The following TMLHE variants were observed in gnomAD, a reference collection of about 807,000 sequenced individuals.
TMLHE encodes the protein trimethyllysine dioxygenase, mitochondrial.
Under a neutral mutation model 25.7 loss-of-function variants are expected in TMLHE, and 18 were observed. That is an observed-to-expected ratio of 0.70 (90% confidence interval 0.48 to 1.04). The LOEUF is 1.04. Among genes scored for constraint, TMLHE ranks in the 50% least tolerant of loss-of-function variants. TMLHE has a pLI of 0.00. For missense variants in TMLHE, 236 were observed against 259.0 expected (o/e 0.91, Z 0.61); for synonymous variants, 105 against 97.0 (o/e 1.08, Z -0.49).
chrX:155,548,535 G>GCCTGAGGTGGGGAGTTCAAGA (rs1254077024), intron 1 of TMLHE, among the ~76,000 whole-genome samples: 1 of 109,143 alleles, frequency 9.2e-6, no homozygotes, highest in South Asian at 3.9e-4. Flanking sequence ...GCAGTATGAG[G>GCCTGAGGTGGGGAGTTCAAGA]CCAGCCTGAC....
chrX:155,570,896 G>A lies in TMLHE; in HGVS notation c.-1-25619C>T. ...AGAGAAGCAGGAAAGATCCAAAATT[G>A]ACACCCTAACATCACAATTAAAAGA... On this transcript the variant is annotated intron_variant, in intron 1 of 7. Transcript: ENST00000334398. Among the ~76,000 whole-genome samples the A allele has an allele frequency of 3.5e-5, 2 of 57,093 alleles. 1 individual carries two copies. Among genetic ancestry groups the A allele is most frequent in the Non-Finnish European group, 9.1e-5 (2 of 21,955 alleles). 49.6% of individuals were successfully genotyped at this position (57,093 alleles called of 115,157 possible).
intron 3 of TMLHE, among the ~76,000 whole-genome samples, chrX:155,515,282 T>A (rs1439975832): frequency 2.7e-5 from 3 of 110,977 alleles, no homozygotes; most frequent in Non-Finnish European, 5.7e-5. Flanking sequence ...TAACAATTTT[T>A]AAAATTAAAT....
chrX:155,581,570 A>G (rs1471972285), intron 1 of TMLHE, among the ~76,000 whole-genome samples: 1 of 111,043 alleles, frequency 9.0e-6, no homozygotes, highest in Non-Finnish European at 1.9e-5. Flanking sequence ...ACTCCCATTC[A>G]TAATTGCTTC....
rs1350519713 is a variant in TMLHE at position 155,567,684 on chromosome X, T to C, written c.-1-22407A>G. Among the ~76,000 whole-genome samples the C allele has an allele frequency of 4.9e-5, 3 of 61,835 alleles. 1 individual carries two copies. The East Asian group carries it at 2.2e-3, about 45-fold the overall frequency. 53.7% of individuals were successfully genotyped at this position (61,835 alleles called of 115,157 possible). A position where few individuals can be genotyped will look rare whatever the true frequency, so the allele number is the denominator to read the frequency against. On this transcript the variant is annotated intron_variant, in intron 1 of 7. Transcript: ENST00000334398. ...GAATCTTGAGTACAAATGGTAGAAA[T>C]CTATGGCATTTTAACCTGGGGTCAT...
chrX:155,587,974 T>C (rs1300723854), intron 1 of TMLHE, among the ~76,000 whole-genome samples: 1 of 112,024 alleles, frequency 8.9e-6, no homozygotes, highest in Admixed American at 9.5e-5. Context: ...CCAATGTTAT[T>C]TTACACAGAA....
chrX:155,586,436 TAAGC>T (rs1243908090), intron 1 of TMLHE, among the ~76,000 whole-genome samples: 3 of 110,431 alleles, frequency 2.7e-5, no homozygotes, highest in Non-Finnish European at 5.7e-5. Flanking sequence ...ATATTTCAAA[TAAGC>T]AACATAACAA....
intron 1 of TMLHE, among the ~76,000 whole-genome samples, chrX:155,577,915 C>T (rs1396963584): frequency 9.0e-6 from 1 of 111,446 alleles, no homozygotes; most frequent in Non-Finnish European, 1.9e-5. Context: ...AACCATGTAA[C>T]ACACAGGTGC....
intron 1 of TMLHE, among the ~76,000 whole-genome samples, chrX:155,549,687 G>A (rs2067399394): frequency 9.1e-6 from 1 of 109,985 alleles, no homozygotes; most frequent in Non-Finnish European, 1.9e-5. Context: ...GTGTGTGTAT[G>A]TGTGTGTGTC....
chrX:155,516,031 T>A (rs1188408789), intron 3 of TMLHE, among the ~76,000 whole-genome samples: 1 of 78,714 alleles, frequency 1.3e-5, no homozygotes, highest in Non-Finnish European at 2.5e-5. Context: ...TTTTTTTTTA[T>A]TATACTCTAA....
Position 155,507,108 on chromosome X carries a change from T to C in TMLHE, c.785A>G (p.His262Arg). Reference sequence around the variant, plus strand: ...CAGTGTCCTGCCACCAGTTCCTTCATGTTTAAGACAATGAAACACTTGAAT... The same window carrying C: ...CAGTGTCCTGCCACCAGTTCCTTCACGTTTAAGACAATGAAACACTTGAAT... ...CGIQVFHCLK[H>R]EGTGGRTLLV... Residue 262 changes from histidine (H) to arginine (R), a missense_variant, in exon 6 of 8, where the codon CAT becomes CGT. His to Arg is a conservative substitution (Grantham distance 29). This residue lies in a region of TMLHE where 217 missense variants were observed against 214.6 expected (regional missense o/e 1.01). Coordinates refer to ENST00000334398, the MANE Select transcript of TMLHE (RefSeq NM_018196.4). 3 of 1,207,936 alleles carry C rather than the reference T, an allele frequency of 2.5e-6. No individual in the cohort carries two copies. Among genetic ancestry groups the C allele is most frequent in the Non-Finnish European group, 3.4e-6 (3 of 892,521 alleles).
intron 1 of TMLHE, among the ~76,000 whole-genome samples, chrX:155,593,566 A>C (rs5983743): frequency 0.16 from 18,021 of 111,427 alleles, 1,174 homozygotes; most frequent in East Asian, 0.26. Flanking sequence ...AAAAGAAACT[A>C]ATAAAACTCC....
intron 5 of TMLHE, among the ~76,000 whole-genome samples, chrX:155,507,548 G>A (rs985673672): frequency 9.2e-6 from 1 of 108,718 alleles, no homozygotes; most frequent in African/African-American, 3.3e-5. Flanking sequence ...CTGTTCTAGC[G>A]GGGTGTTGTA....
intron 1 of TMLHE, among the ~76,000 whole-genome samples, chrX:155,608,190 A>T (rs2067798038): frequency 8.9e-6 from 1 of 112,124 alleles, no homozygotes; most frequent in Non-Finnish European, 1.9e-5. Flanking sequence ...AGAGCATGGT[A>T]CTGGTACAAA....
chrX:155,513,793 T>C (rs1239115294), intron 4 of TMLHE, among the ~76,000 whole-genome samples, 193 bp downstream of exon 4: 1 of 111,503 alleles, frequency 9.0e-6, no homozygotes, highest in Non-Finnish European at 1.9e-5. Context: ...TCATTATATT[T>C]TACACATAAG....
At chrX:155,524,749 G>A (rs1386427016) in intron 2 of TMLHE, 117 bp from the exon 3 acceptor site, 20 of 584,582 alleles carry the variant, frequency 3.4e-5, no homozygotes, top group East Asian at 4.0e-5. Context: ...TTGAGGGGAG[G>A]GACTTGCCCC....
At chrX:155,532,913 CT>C (rs1450407350) in intron 2 of TMLHE, among the ~76,000 whole-genome samples, 6 of 110,947 alleles carry the variant, frequency 5.4e-5, no homozygotes, top group African/African-American at 2.0e-4. Context: ...GGTTTTTACA[CT>C]TTTAAAGTGT....
chrX:155,598,725 A>G (rs2067738869), intron 1 of TMLHE, among the ~76,000 whole-genome samples: 1 of 110,835 alleles, frequency 9.0e-6, no homozygotes, highest in South Asian at 3.9e-4. Flanking sequence ...AAAGAAATTG[A>G]CACTAGACAA....
chrX:155,585,416 A>C (rs12384804), intron 1 of TMLHE, among the ~76,000 whole-genome samples: 2 of 96,601 alleles, frequency 2.1e-5, no homozygotes, highest in African/African-American at 7.7e-5. Flanking sequence ...CACACACACA[A>C]ACACACACAC....
chrX:155,514,262 G>C lies in TMLHE; in HGVS notation c.362C>G (p.Pro121Arg). 8.4e-7 allele frequency: 1 copy of C among 1,192,891 alleles called. No homozygotes were observed. Among genetic ancestry groups the C allele is most frequent in the Non-Finnish European group, 1.1e-6 (1 of 884,584 alleles). The change falls in exon 4 of 8, where the codon CCA becomes CGA. Residue 121 changes from proline to arginine, a missense_variant. Around this residue, in one of 2 missense-constraint regions of TMLHE, gnomAD observed 217 missense variants for 214.6 expected, o/e 1.01. Transcript: ENST00000334398. ...ATCATATTTAGTCACATGACCATCT[G>C]GCCCTTTTAAGGGGAAAAATAAAAG... ...LDETTLFFTW[P>R]DGHVTKYDLN...
Sources: allele counts gnomAD v4.1 joint callset (sites outside exome capture counted in the v4.1 genomes callset), GRCh38; gene constraint gnomAD v4.1.1; regional missense constraint gnomAD v4.1.1; transcripts MANE v1.5; gene names NCBI Gene and HGNC (gene_info 2026-07-23, HGNC 2026-07-21).